LSAMP: variants seen among roughly 807,000 people sequenced by gnomAD.
The protein encoded by LSAMP is limbic system-associated membrane protein.
A neutral mutation model predicts 38.6 loss-of-function variants in LSAMP; 7 were observed. The observed-to-expected ratio is 0.18, with a 90% CI of 0.10 to 0.34. The LOEUF is 0.34. Among genes scored for constraint, LSAMP ranks in the 10% least tolerant of loss-of-function variants. LSAMP has a pLI of 1.00. For missense variants in LSAMP, 313 were observed against 420.0 expected (o/e 0.75, Z 2.23); for synonymous variants, 154 against 166.8 (o/e 0.92, Z 0.59).
chr3:115,896,323 G>C (rs1936728509), intron 3 of LSAMP, among the ~76,000 whole-genome samples: 1 of 152,102 alleles, frequency 6.6e-6, no homozygotes, highest in Admixed American at 6.6e-5. Context: ...GTCTTTAGCT[G>C]TTAAAATAGT....
At chr3:115,973,968 CAAT>C (rs2107615784) in intron 3 of LSAMP, among the ~76,000 whole-genome samples, 1 of 152,176 alleles carries the variant, frequency 6.6e-6, no homozygotes, top group East Asian at 1.9e-4. Flanking sequence ...TGTAAAATAA[CAAT>C]GAGGTCTTGA....
intron 3 of LSAMP, among the ~76,000 whole-genome samples, chr3:115,890,130 C>T (rs1460668416): frequency 6.6e-6 from 1 of 151,892 alleles, no homozygotes; most frequent in Non-Finnish European, 1.5e-5. Context: ...GATTTCTTTT[C>T]AGGTTGGTTA....
chr3:115,878,926 G>A (rs889340515), intron 3 of LSAMP, among the ~76,000 whole-genome samples: 2 of 152,158 alleles, frequency 1.3e-5, no homozygotes, highest in African/African-American at 4.8e-5. Context: ...GTCAACTTGA[G>A]TAGTGGAGAC....
intron 3 of LSAMP, among the ~76,000 whole-genome samples, chr3:115,978,798 G>A (rs72957759): frequency 0.23 from 34,654 of 151,900 alleles, 4,343 homozygotes; most frequent in African/African-American, 0.34. Context: ...AAAGGCTTTG[G>A]TTGAGAAGTT....
intron 1 of LSAMP, among the ~76,000 whole-genome samples, chr3:116,119,795 G>A (rs1439299693): frequency 6.6e-6 from 1 of 151,766 alleles, no homozygotes; most frequent in African/African-American, 2.4e-5. Flanking sequence ...CGAGTAGCTG[G>A]GATTGTAGAT....
chr3:116,374,705 A>G (rs1333772405), intron 1 of LSAMP, among the ~76,000 whole-genome samples: 1 of 151,900 alleles, frequency 6.6e-6, no homozygotes, highest in Non-Finnish European at 1.5e-5. Context: ...TTTCAAAGCC[A>G]CTATAACTGT....
rs553967677 is a variant in LSAMP, at chr3:115,968,436, TC to T, written c.514+51078del. 8.4e-3 allele frequency among the ~76,000 whole-genome samples: 1,273 copies of T among 152,266 alleles called. 10 individuals carry two copies. Among genetic ancestry groups the T allele is most frequent in the Non-Finnish European group, 0.011 (754 of 68,008 alleles). On this transcript the variant is annotated intron_variant, in intron 3 of 6. Transcript: ENST00000490035. ...TAAATCCTGCTAGGACTGGGTCCTTTCCTTCAAAGCAGCAGGTTCTCTTCTG... is the reference window on the plus strand; with the variant it reads ...TAAATCCTGCTAGGACTGGGTCCTTTCTTCAAAGCAGCAGGTTCTCTTCTG...
At chr3:116,300,935 T>C (rs899329641) in intron 1 of LSAMP, among the ~76,000 whole-genome samples, 18 of 152,000 alleles carry the variant, frequency 1.2e-4, no homozygotes, top group Non-Finnish European at 1.5e-4. Flanking sequence ...CTCATCTCTG[T>C]CCCTCTTAAT....
At chr3:116,367,653 G>A (rs906352052) in intron 1 of LSAMP, among the ~76,000 whole-genome samples, 2 of 151,328 alleles carry the variant, frequency 1.3e-5, no homozygotes, top group Non-Finnish European at 1.5e-5. Flanking sequence ...TACAGGCATC[G>A]TCTGCCACCA....
At chr3:115,902,989 C>T (rs555406018) in intron 3 of LSAMP, among the ~76,000 whole-genome samples, 5 of 152,256 alleles carry the variant, frequency 3.3e-5, no homozygotes, top group Admixed American at 1.3e-4. Context: ...TTACTTGGTA[C>T]ATACCCAAAG....
intron 3 of LSAMP, among the ~76,000 whole-genome samples, chr3:115,929,546 A>G (rs9882633): frequency 0.021 from 3,246 of 152,260 alleles, 106 homozygotes; most frequent in African/African-American, 0.071. Context: ...AGGTGAAAAT[A>G]CACATCAAAC....
At chr3:116,418,898 C>A (rs961161755) in intron 1 of LSAMP, among the ~76,000 whole-genome samples, 5 of 152,144 alleles carry the variant, frequency 3.3e-5, no homozygotes, top group Non-Finnish European at 7.4e-5. Context: ...TCATACTATG[C>A]TTCATCCATA....
rs201735751 is a variant in LSAMP, at chr3:116,407,752, G to C, written c.155+37125C>G. On this transcript the variant is annotated intron_variant, in intron 1 of 6. Coordinates refer to ENST00000490035, the MANE Select transcript of LSAMP (RefSeq NM_002338.5). ...TAAAATTTGCAAGCTGAGCATGACA[G>C]GAACAATCTAGAGGCCAGTGTCTAC... Among the ~76,000 whole-genome samples the C allele has an allele frequency of 9.2e-5, 14 of 152,126 alleles. No homozygotes were observed. In the East Asian group the frequency reaches 2.7e-3, roughly 29 times the overall value.
intron 1 of LSAMP, among the ~76,000 whole-genome samples, chr3:116,311,720 G>C (rs556390813): frequency 6.6e-6 from 1 of 152,092 alleles, no homozygotes; most frequent in African/African-American, 2.4e-5. Context: ...ATAACTTAAG[G>C]GTTTGTTGTA....
Position 115,806,187 on chromosome 3 carries a change from G to T in LSAMP, c.*4130C>A, listed in dbSNP as rs1933626067. 6.6e-6 allele frequency: 1 copy of T among 152,154 alleles called. No individual in the cohort carries two copies. The allele number at this position is 152,154 out of a possible 1,614,324, so 9.4% of individuals were successfully genotyped here. On this transcript the variant is annotated 3_prime_UTR_variant, in exon 7 of 7. Coordinates refer to ENST00000490035, the MANE Select transcript of LSAMP (RefSeq NM_002338.5). Reference sequence around the variant, plus strand: ...CAAAACGGAAAAAGTGGGGCTCTATGTCTTTCTACGTGAGCATAGATTTTC... The same window carrying T: ...CAAAACGGAAAAAGTGGGGCTCTATTTCTTTCTACGTGAGCATAGATTTTC...
intron 3 of LSAMP, among the ~76,000 whole-genome samples, chr3:115,908,978 G>A (rs1318619661): frequency 2.6e-5 from 4 of 152,272 alleles, no homozygotes; most frequent in East Asian, 3.9e-4. Context: ...CCATGATCAT[G>A]TACTTAAATT....
intron 1 of LSAMP, among the ~76,000 whole-genome samples, chr3:116,400,659 G>A (rs2048827804): frequency 6.6e-6 from 1 of 151,942 alleles, no homozygotes; most frequent in Non-Finnish European, 1.5e-5. Flanking sequence ...TGTATTTTTA[G>A]TAGGGACGGG....
rs77677672 is a variant in LSAMP, at chr3:116,280,940, T to C, written c.155+163937A>G. Among the ~76,000 whole-genome samples the C allele has an allele frequency of 2.9e-3, 434 of 149,508 alleles. 17 individuals carry two copies. The East Asian group carries it at 0.062, about 21-fold the overall frequency. On this transcript the variant is annotated intron_variant, in intron 1 of 6. Coordinates refer to ENST00000490035, the MANE Select transcript of LSAMP (RefSeq NM_002338.5). The stretch of plus-strand genomic sequence containing the variant: ...TCTATCCTCAATAAACTGGAAGACA[T>C]TGAACACACAAATGAAAAAGGAGGA...
chr3:115,927,211 C>CA (rs1004655253), intron 3 of LSAMP, among the ~76,000 whole-genome samples: 6 of 151,970 alleles, frequency 3.9e-5, no homozygotes, highest in Non-Finnish European at 1.5e-5. Context: ...TTCCCAGCCA[C>CA]AAAGAATAGA....
Sources: allele counts gnomAD v4.1 joint callset (sites outside exome capture counted in the v4.1 genomes callset), GRCh38; gene constraint gnomAD v4.1.1; transcripts MANE v1.5; gene names NCBI Gene and HGNC (gene_info 2026-07-23, HGNC 2026-07-21).